TDRD9: variants seen among roughly 807,000 people sequenced by gnomAD.
TDRD9 encodes tudor domain containing 9, also known as ATP-dependent RNA helicase TDRD9.
Under a neutral mutation model 172.6 loss-of-function variants are expected in TDRD9, and 124 were observed. The observed-to-expected ratio is 0.72, with a 90% confidence interval of 0.62 to 0.83. The LOEUF is 0.83. TDRD9 is among the 40% of genes least tolerant of loss of function. The pLI is 0.00. For missense variants in TDRD9, 1,479 were observed against 1,714.1 expected, an observed-to-expected ratio of 0.86 and a Z score of 2.42; for synonymous variants, 619 against 617.1, an observed-to-expected ratio of 1.00 and a Z score of -0.05.
chr14:104,038,041 T>C (rs2035502876), intron 32 of TDRD9, among the ~76,000 whole-genome samples: 1 of 152,118 alleles, frequency 6.6e-6, no homozygotes, highest in South Asian at 2.1e-4. Context: ...CTTATTGGTG[T>C]AGTGACAAGA....
chr14:104,041,854 A>T (rs1225264784), intron 33 of TDRD9, among the ~76,000 whole-genome samples: 1 of 152,222 alleles, frequency 6.6e-6, no homozygotes, highest in African/African-American at 2.4e-5. Context: ...GAGATTTGAA[A>T]ACTAGCATCC....
chr14:104,006,096 C>T (rs2034428990), intron 15 of TDRD9, among the ~76,000 whole-genome samples: 1 of 152,198 alleles, frequency 6.6e-6, no homozygotes, highest in Non-Finnish European at 1.5e-5. Flanking sequence ...AGATCCTTCA[C>T]TTAGTACTGT....
intron 23 of TDRD9, among the ~76,000 whole-genome samples, chr14:104,020,745 G>A (rs934984870): frequency 2.6e-5 from 4 of 152,166 alleles, no homozygotes; most frequent in Non-Finnish European, 5.9e-5. Context: ...ATTACAGGAC[G>A]ATTTTTATAG....
chr14:103,967,347 C>CAAAAAAAAAAAAAA (rs11444885), intron 5 of TDRD9, among the ~76,000 whole-genome samples: 1 of 49,748 alleles, frequency 2.0e-5, no homozygotes, highest in African/African-American at 9.7e-5. Flanking sequence ...ACTAAAAATA[C>CAAAAAAAAAAAAAA]AAAAAAAAAA....
chr14:103,967,857 G>A lies in TDRD9; in HGVS notation c.765+1026G>A, dbSNP rs568263822. ...CAAATTCAGATTTAATAGATAATAT[G>A]CCAAAAGATGGCATTATGAAGGTTG... On this transcript the variant is annotated intron_variant, in intron 5 of 35. Coordinates refer to ENST00000409874, the MANE Select transcript of TDRD9 (RefSeq NM_153046.3). Among the ~76,000 whole-genome samples the A allele has an allele frequency of 7.2e-4, 109 of 152,274 alleles. 1 individual carries two copies. Among genetic ancestry groups the A allele is most frequent in the African/African-American group, 2.6e-3 (109 of 41,536 alleles).
chr14:103,986,477 AT>A (rs2033665209), intron 8 of TDRD9, among the ~76,000 whole-genome samples, 157 bp downstream of exon 8: 2 of 152,300 alleles, frequency 1.3e-5, no homozygotes, highest in Admixed American at 6.5e-5. Context: ...GTATTTTGGA[AT>A]TTTTTTAACT....
At position 103,970,587 on chromosome 14, in the gene TDRD9, G is replaced by A. The variant is rs747643848; in HGVS notation, c.812G>A (p.Arg271His). The change falls in exon 6 of 36, where the codon CGC (arginine) becomes CAC (histidine). Residue 271 changes from arginine to histidine, a missense_variant. This residue lies in a region of TDRD9 where 1,413 missense variants were observed against 1,649.1 expected (regional missense o/e 0.86). Coordinates refer to ENST00000409874, the MANE Select transcript of TDRD9 (RefSeq NM_153046.3). ...EEMDFLLLVV[R>H]KLLRTNSRFV... is the part of the protein sequence containing the mutation. ...ATGGATTTCCTGCTATTGGTAGTCC[G>A]CAAACTCTTAAGAACAAATTCACGT... The A allele has an allele frequency of 7.7e-6, 12 of 1,551,370 alleles. No homozygotes were observed. The highest frequency in any genetic ancestry group is 9.6e-6 in the Non-Finnish European group (11 of 1,146,802).
chr14:104,001,768 C>G (rs1179359108), intron 13 of TDRD9, among the ~76,000 whole-genome samples: 1 of 152,056 alleles, frequency 6.6e-6, no homozygotes, highest in Non-Finnish European at 1.5e-5. Flanking sequence ...CCCACCACGC[C>G]CAGCTAATTT....
intron 9 of TDRD9, among the ~76,000 whole-genome samples, chr14:103,993,446 T>C (rs2033946997): frequency 6.6e-6 from 1 of 152,214 alleles, no homozygotes; most frequent in East Asian, 1.9e-4. Flanking sequence ...AGTTCTATAG[T>C]AGTTTTCCAG....
At chr14:104,016,149 C>G in intron 22 of TDRD9, 61 bp downstream of exon 22, 2 of 1,141,724 alleles carry the variant, frequency 1.8e-6, no homozygotes, top group Non-Finnish European at 2.5e-6. Flanking sequence ...TTTTTGTTCT[C>G]TAATTGTTTC....
At chr14:104,029,081 C>T (rs979584467) in intron 28 of TDRD9, among the ~76,000 whole-genome samples, 5 of 152,124 alleles carry the variant, frequency 3.3e-5, no homozygotes, top group East Asian at 1.9e-4. Context: ...GTTTGGTTAC[C>T]GTAGCTTTGT....
chr14:104,000,905 A>G (rs1283487233), intron 13 of TDRD9, among the ~76,000 whole-genome samples: 1 of 152,214 alleles, frequency 6.6e-6, no homozygotes, highest in Non-Finnish European at 1.5e-5. Flanking sequence ...TGTATATTCA[A>G]AATTTCTATA....
At chr14:103,931,045 G>T (rs2030356004) in intron 1 of TDRD9, among the ~76,000 whole-genome samples, 2 of 152,044 alleles carry the variant, frequency 1.3e-5, no homozygotes, top group Admixed American at 1.3e-4. Context: ...TGTAATCCCA[G>T]CACTTTGGGA....
chr14:104,017,041 T>G (rs1216891641), intron 22 of TDRD9, among the ~76,000 whole-genome samples: 1 of 152,142 alleles, frequency 6.6e-6, no homozygotes, highest in Non-Finnish European at 1.5e-5. Flanking sequence ...CATTAGTTTT[T>G]TATAGCTACT....
At chr14:103,952,166 GTA>G (rs1390902907) in intron 1 of TDRD9, among the ~76,000 whole-genome samples, 1 of 118,570 alleles carries the variant, frequency 8.4e-6, no homozygotes, top group South Asian at 2.9e-4. Context: ...GTATATATGT[GTA>G]TATATGTGTG....
At chr14:103,938,382 A>ATGTG (rs71126086) in intron 1 of TDRD9, among the ~76,000 whole-genome samples, 6 of 38,592 alleles carry the variant, frequency 1.6e-4, no homozygotes, top group African/African-American at 5.1e-4. Flanking sequence ...TGCCCCATAT[A>ATGTG]TGTGTGTGTG....
intron 1 of TDRD9, chr14:103,942,154 G>A (rs2031275836): frequency 6.2e-6 from 1 of 162,544 alleles, no homozygotes; most frequent in Non-Finnish European, 1.3e-5. Flanking sequence ...TGACGAAGCT[G>A]TGTTTCACTG....
Position 103,997,853 on chromosome 14 carries a change from A to G in TDRD9, c.1379-771A>G, listed in dbSNP as rs1476422599. ...GGCTGTTGTCAGTGACCTTGACAAG[A>G]GCAGCTTTGGTGGAAGCAAGCGTCT... On this transcript the variant is annotated intron_variant, in intron 12 of 35. Transcript: ENST00000409874. This position sits in a 1 kb window ranked among gnomAD's most constrained non-coding sequence, Gnocchi z 5.1. 6.6e-6 allele frequency among the ~76,000 whole-genome samples: 1 copy of G among 152,198 alleles called. No individual in the cohort carries two copies. The highest frequency in any genetic ancestry group is 6.5e-5 in the Admixed American group (1 of 15,288).
chr14:104,002,317 CA>C (rs200021451), intron 13 of TDRD9, among the ~76,000 whole-genome samples: 2,529 of 128,492 alleles, frequency 0.02, 49 homozygotes, highest in Admixed American at 0.1. Flanking sequence ...GATGCTGTTT[CA>C]AAAAAAAAAA....
Sources: allele counts gnomAD v4.1 joint callset (sites outside exome capture counted in the v4.1 genomes callset), GRCh38; gene constraint gnomAD v4.1.1; regional missense constraint gnomAD v4.1.1; non-coding constraint Gnocchi (gnomAD v3.1); transcripts MANE v1.5; gene names NCBI Gene and HGNC (gene_info 2026-07-23, HGNC 2026-07-21).